The following CORIN variants were observed in gnomAD, a reference collection of about 807,000 sequenced individuals.
CORIN encodes atrial natriuretic peptide-converting enzyme.
A neutral mutation model predicts 125.3 loss-of-function variants in CORIN; 117 were observed. The ratio of observed to expected loss-of-function variants is 0.93; its 90% CI spans 0.80 to 1.09. CORIN has a LOEUF of 1.09. CORIN is among the 50% of genes least tolerant of loss of function. CORIN has a pLI of 0.00. For missense variants in CORIN, 1,253 were observed against 1,306.7 expected, an observed-to-expected ratio of 0.96 and a Z score of 0.63; for synonymous variants, 450 against 466.4, an observed-to-expected ratio of 0.96 and a Z score of 0.45.
At chr4:47,641,202 T>C (rs2109608421) in intron 16 of CORIN, among the ~76,000 whole-genome samples, 1 of 152,336 alleles carries the variant, frequency 6.6e-6, no homozygotes, top group African/African-American at 2.4e-5. Flanking sequence ...AAATGGCATT[T>C]ACTCAATTTT....
chr4:47,823,931 G>A (rs1732629056), intron 1 of CORIN, among the ~76,000 whole-genome samples: 1 of 152,072 alleles, frequency 6.6e-6, no homozygotes, highest in Non-Finnish European at 1.5e-5. Flanking sequence ...CCCTGCTTAG[G>A]CACCAACATA....
chr4:47,611,184 G>T (rs555088281), intron 19 of CORIN, among the ~76,000 whole-genome samples: 2 of 152,260 alleles, frequency 1.3e-5, no homozygotes, highest in African/African-American at 4.8e-5. Flanking sequence ...ATTACTTTGA[G>T]CAGTATGGCC....
intron 7 of CORIN, chr4:47,681,894 T>C (rs1725296790): frequency 1.3e-5 from 2 of 152,158 alleles, no homozygotes; most frequent in Non-Finnish European, 1.5e-5. Context: ...AATCAATTTA[T>C]GCCATCAAAA....
chr4:47,790,212 A>T, intron 2 of CORIN: 5 of 985,318 alleles, frequency 5.1e-6, no homozygotes, highest in Non-Finnish European at 6.0e-6. Context: ...GGAAGGAAAA[A>T]TAAAATACCT....
chr4:47,739,314 T>A (rs1354955690), intron 5 of CORIN, among the ~76,000 whole-genome samples: 1 of 152,072 alleles, frequency 6.6e-6, no homozygotes, highest in African/African-American at 2.4e-5. Flanking sequence ...AAGCAACTCA[T>A]CAGATAAAAT....
rs1166998457 is a variant in CORIN, at chr4:47,646,026, G to A, written c.1844-832C>T. On this transcript the variant is annotated intron_variant, in intron 13 of 21. Transcript: ENST00000273857. Reference sequence around the variant, plus strand: ...TGAAGTGGCACGTTCTTGGCTCACCGCAACCTCCACCTGTCTCAAAAAAAA... The same window carrying A: ...TGAAGTGGCACGTTCTTGGCTCACCACAACCTCCACCTGTCTCAAAAAAAA... Among the ~76,000 whole-genome samples, 57 of 118,972 alleles carry A rather than the reference G, an allele frequency of 4.8e-4. 1 individual carries two copies. Among genetic ancestry groups the A allele is most frequent in the Admixed American group, 2.0e-3 (18 of 9,140 alleles). 78.1% of individuals were successfully genotyped at this position (118,972 alleles called of 152,430 possible).
intron 12 of CORIN, among the ~76,000 whole-genome samples, chr4:47,659,047 C>T (rs757105158): frequency 3.3e-5 from 5 of 152,196 alleles, no homozygotes; most frequent in Non-Finnish European, 7.3e-5. Context: ...ATCCTTAGGG[C>T]ATAAACAGAA....
chr4:47,642,642 T>G (rs1367336030), intron 15 of CORIN, among the ~76,000 whole-genome samples: 1 of 152,176 alleles, frequency 6.6e-6, no homozygotes, highest in East Asian at 1.9e-4. Flanking sequence ...GAGTGTGGGA[T>G]GAGGAAATTA....
At position 47,626,446 on chromosome 4, in the gene CORIN, C is replaced by A. The variant is rs1482278221; in HGVS notation, c.2274G>T (p.Glu758Asp). ...CATGTAAAGTGGTCCCATTGAGGCT[C>A]TCCCAGTTGGAGTGTAATGTCAGCC... The part of the protein sequence containing the change: ...PRWLTLHSNW[E>D]SLNGTTLHEL... Residue 758 changes from glutamate to aspartate, a missense_variant, in exon 17 of 22, where the codon GAG (glutamate) becomes GAT (aspartate). By Grantham distance (45) the Glu-to-Asp change is conservative (BLOSUM62 2). Transcript: ENST00000273857. The A allele has an allele frequency of 6.2e-7, 1 of 1,613,782 alleles. No homozygotes were observed. Among genetic ancestry groups the A allele is most frequent in the Non-Finnish European group, 8.5e-7 (1 of 1,179,794 alleles).
At chr4:47,596,302 C>A (rs950505414) in intron 21 of CORIN, among the ~76,000 whole-genome samples, 6 of 151,958 alleles carry the variant, frequency 3.9e-5, no homozygotes, top group Admixed American at 3.9e-4. Flanking sequence ...GAATAAAGAT[C>A]CCCCCCACAC....
chr4:47,773,661 T>C (rs988209925), intron 3 of CORIN, among the ~76,000 whole-genome samples: 2 of 152,170 alleles, frequency 1.3e-5, no homozygotes, highest in East Asian at 1.9e-4. Flanking sequence ...AGGAAAGGCA[T>C]GTTCTACATA....
chr4:47,687,679 C>T (rs1177108071), intron 6 of CORIN, among the ~76,000 whole-genome samples: 1 of 152,104 alleles, frequency 6.6e-6, no homozygotes, highest in East Asian at 1.9e-4. Context: ...AATGTGTTGC[C>T]TCAACTCAAG....
chr4:47,719,562 T>G (rs1727253000), intron 5 of CORIN, among the ~76,000 whole-genome samples: 1 of 152,190 alleles, frequency 6.6e-6, no homozygotes, highest in African/African-American at 2.4e-5. Context: ...GCAGTTTTGT[T>G]TTCTATCAGA....
At chr4:47,781,998 T>C (rs1307004069) in intron 3 of CORIN, among the ~76,000 whole-genome samples, 1 of 151,816 alleles carries the variant, frequency 6.6e-6, no homozygotes, top group Admixed American at 6.6e-5. Context: ...TTTATATTAA[T>C]AAAAGGTTCA....
chr4:47,601,877 T>G (rs1166208802), intron 20 of CORIN, among the ~76,000 whole-genome samples: 1 of 152,186 alleles, frequency 6.6e-6, no homozygotes, highest in African/African-American at 2.4e-5. Context: ...AAGTCAAACC[T>G]TATCTGACTA....
intron 5 of CORIN, among the ~76,000 whole-genome samples, chr4:47,729,846 A>G (rs1727782681): frequency 6.6e-6 from 1 of 152,146 alleles, no homozygotes; most frequent in South Asian, 2.1e-4. Flanking sequence ...AAACGGAATA[A>G]CTTGGCAGAG....
chr4:47,674,975 A>G (rs1724948995), intron 9 of CORIN, among the ~76,000 whole-genome samples: 1 of 152,210 alleles, frequency 6.6e-6, no homozygotes, highest in Admixed American at 6.5e-5. Flanking sequence ...ACACCAATAC[A>G]ATAAGGATAC....
intron 21 of CORIN, among the ~76,000 whole-genome samples, chr4:47,599,044 A>C (rs909578908): frequency 6.6e-6 from 1 of 152,204 alleles, no homozygotes; most frequent in South Asian, 2.1e-4. Flanking sequence ...TACTGGTCTC[A>C]CTGGCAGAGA....
chr4:47,813,305 G>T (rs1452303510), intron 1 of CORIN, among the ~76,000 whole-genome samples: 1 of 152,180 alleles, frequency 6.6e-6, no homozygotes, highest in Non-Finnish European at 1.5e-5. Flanking sequence ...GAATACAACA[G>T]CACACAGTTT....
Sources: gnomAD v4.1 joint callset for allele counts (sites outside exome capture counted in the v4.1 genomes callset) on GRCh38, gnomAD v4.1.1 for gene constraint, MANE v1.5 for transcripts, NCBI Gene and HGNC (gene_info 2026-07-23, HGNC 2026-07-21) for gene names.